Variants in PDSS1 observed in about 807,000 individuals in gnomAD.
The protein encoded by PDSS1 is decaprenyl diphosphate synthase subunit 1.
In PDSS1, 43 loss-of-function variants were observed where a neutral mutation model predicts 57.5. The observed-to-expected ratio is 0.75, with a 90% CI of 0.59 to 0.96. The LOEUF is 0.96. PDSS1 is among the 50% of genes least tolerant of loss of function. The probability of loss-of-function intolerance (pLI) is 0.00; values close to 1 mark genes in which losing one functional copy is unlikely to be tolerated. For missense variants in PDSS1, 438 were observed against 527.8 expected (o/e 0.83, Z 1.67); for synonymous variants, 175 against 191.3 (o/e 0.91, Z 0.70).
At chr10:26,699,124 C>T (rs1564413221) in intron 1 of PDSS1, among the ~76,000 whole-genome samples, 1 of 151,954 alleles carries the variant, frequency 6.6e-6, no homozygotes, top group Non-Finnish European at 1.5e-5. Flanking sequence ...AGTGTGAGAC[C>T]CTATCTCTAA....
chr10:26,735,285 T>C lies in PDSS1; in HGVS notation c.877T>C (p.Tyr293His). The change falls in exon 9 of 12, where the codon TAT becomes CAT. Residue 293 changes from tyrosine to histidine, a missense_variant. Physicochemically the swap from Tyr to His is moderately conservative, Grantham distance 83 (BLOSUM62 2). Transcript: ENST00000376215. Reference sequence around the variant, plus strand: ...CGACCCAGTGGTGCATGAGATCGCCTATCAGTACGGAAAAAATGTAGGAAT... The same window carrying C: ...CGACCCAGTGGTGCATGAGATCGCCCATCAGTACGGAAAAAATGTAGGAAT... Reference protein sequence around the residue: ...CPDPVVHEIAYQYGKNVGIAF... With the variant: ...CPDPVVHEIAHQYGKNVGIAF... 1 of 1,613,460 alleles carries C rather than the reference T, an allele frequency of 6.2e-7. No homozygotes were observed. The highest frequency in any genetic ancestry group is 1.3e-5 in the African/African-American group (1 of 75,054).
chr10:26,714,351 A>AT (rs1019372386), intron 5 of PDSS1, among the ~76,000 whole-genome samples: 2 of 151,858 alleles, frequency 1.3e-5, no homozygotes, highest in African/African-American at 4.8e-5. Flanking sequence ...ACACACACCT[A>AT]TAAATCCCAG....
intron 10 of PDSS1, among the ~76,000 whole-genome samples, chr10:26,738,829 TGG>T (rs1338245608): frequency 6.6e-6 from 1 of 152,166 alleles, no homozygotes; most frequent in Admixed American, 6.5e-5. Context: ...TGATAACAGT[TGG>T]TTCAGAGGAT....
intron 8 of PDSS1, chr10:26,734,617 A>G (rs1222452163): frequency 2.2e-6 from 1 of 454,740 alleles, no homozygotes; most frequent in Non-Finnish European, 4.4e-6. Flanking sequence ...AAACAGTGGG[A>G]CCAGTGAAGT....
chr10:26,721,319 G>A (rs1403010283), intron 6 of PDSS1, among the ~76,000 whole-genome samples: 1 of 148,908 alleles, frequency 6.7e-6, no homozygotes, highest in Admixed American at 6.7e-5. Flanking sequence ...AAAAAAGTTT[G>A]TGCAAACAAC....
intron 11 of PDSS1, among the ~76,000 whole-genome samples, chr10:26,744,867 C>A (rs887738735): frequency 2.0e-5 from 3 of 152,102 alleles, no homozygotes; most frequent in African/African-American, 4.8e-5. Flanking sequence ...TATTCCATTT[C>A]TAAATGTCAG....
chr10:26,721,445 CACACAT>C (rs1223528585), intron 6 of PDSS1, among the ~76,000 whole-genome samples: 2 of 151,946 alleles, frequency 1.3e-5, no homozygotes, highest in African/African-American at 4.8e-5. Context: ...CACACACACA[CACACAT>C]ACATATATAT....
chr10:26,716,343 G>A lies in PDSS1; in HGVS notation c.468-3875G>A, dbSNP rs145491389. Among the ~76,000 whole-genome samples the A allele has an allele frequency of 4.6e-5, 7 of 152,298 alleles. No individual in the cohort carries two copies. In the East Asian group the frequency reaches 1.2e-3, roughly 25 times the overall value. ...TGTAAACCTCGTAAAGGATTCACTG[G>A]TAGGGTCATTATATTATTCTATCTA... On this transcript the variant is annotated intron_variant, in intron 5 of 11. Transcript: ENST00000376215.
At chr10:26,745,845 C>G (rs781612016) in intron 11 of PDSS1, among the ~76,000 whole-genome samples, 8 of 136,778 alleles carry the variant, frequency 5.8e-5, no homozygotes, top group African/African-American at 8.2e-5. Flanking sequence ...GACCCTGTCT[C>G]AAAAAAAAAG....
chr10:26,744,438 C>T (rs1836735680), intron 11 of PDSS1, among the ~76,000 whole-genome samples: 1 of 152,048 alleles, frequency 6.6e-6, no homozygotes, highest in Non-Finnish European at 1.5e-5. Context: ...TTGCCAGGCT[C>T]AAGTTGCAGT....
chr10:26,746,513 T>G lies in PDSS1; in HGVS notation c.*40T>G. On this transcript the variant is annotated 3_prime_UTR_variant, in exon 12 of 12. Coordinates refer to ENST00000376215, the MANE Select transcript of PDSS1 (RefSeq NM_014317.5). ...CTTTCTGGCAGCTATCTTACCAGAC[T>G]GTGCCTAAAGAATTTTGTGGAATAC... The G allele has an allele frequency of 6.2e-7, 1 of 1,607,044 alleles. No individual in the cohort carries two copies.
In PDSS1 at chr10:26,712,150, C is replaced by G. The variant is rs565133696; in HGVS notation, c.467+2382C>G. Among the ~76,000 whole-genome samples the G allele has an allele frequency of 2.1e-5, 2 of 95,904 alleles. 1 individual carries two copies. The allele number at this position is 95,904 out of a possible 152,430, so 62.9% of individuals were successfully genotyped here. ...CCAAGTAGCTGGGATTACAGATGCA[C>G]GCTACCACGCCCAGCCAATTTTGTG... On this transcript the variant is annotated intron_variant, in intron 5 of 11. Transcript: ENST00000376215.
intron 1 of PDSS1, among the ~76,000 whole-genome samples, chr10:26,699,186 A>T (rs547970270): frequency 6.6e-5 from 10 of 152,298 alleles, no homozygotes; most frequent in African/African-American, 2.4e-4. Flanking sequence ...CTGGGCAACT[A>T]GACAATGCTA....
intron 2 of PDSS1, among the ~76,000 whole-genome samples, chr10:26,703,354 A>G (rs7090448): frequency 6.6e-6 from 1 of 152,092 alleles, no homozygotes; most frequent in Admixed American, 6.5e-5. Flanking sequence ...ATAACTAATC[A>G]TAGTTATTTG....
chr10:26,727,136 A>G (rs1320816024), intron 8 of PDSS1, among the ~76,000 whole-genome samples: 3 of 151,986 alleles, frequency 2.0e-5, no homozygotes, highest in Non-Finnish European at 4.4e-5. Flanking sequence ...ACTCACTTGC[A>G]AAATACATTT....
At chr10:26,737,435 A>G (rs979753434) in intron 10 of PDSS1, among the ~76,000 whole-genome samples, 7 of 152,278 alleles carry the variant, frequency 4.6e-5, no homozygotes, top group African/African-American at 1.7e-4. Flanking sequence ...AGTAATCTAC[A>G]AGAGACTGAA....
chr10:26,705,315 C>CTTT lies in PDSS1; in HGVS notation c.257_258insTTT (p.Thr86_His87insLeu), dbSNP rs1219685017. Reference sequence around the variant, plus strand: ...CATCACACAACCCCAGACAGTAAAACACACAGTGGTGAAAAATACACCGAT... The same window carrying CTTT: ...CATCACACAACCCCAGACAGTAAAACTTTACACAGTGGTGAAAAATACACCGAT... On this transcript the variant is annotated inframe_insertion, in exon 4 of 12. Transcript: ENST00000376215. 2 of 1,612,192 alleles carry CTTT rather than the reference C, an allele frequency of 1.2e-6. No homozygotes were observed. Among genetic ancestry groups the CTTT allele is most frequent in the South Asian group, 2.2e-5 (2 of 91,044 alleles).
rs751398436 is a variant in PDSS1, at chr10:26,723,845, A to G, written c.649A>G (p.Ile217Val). The change falls in exon 7 of 12, where the codon ATA (isoleucine) becomes GTA (valine). Residue 217 changes from isoleucine (I) to valine (V), a missense_variant. Transcript: ENST00000376215. ...AGATTTAATTCTTTCTGCAGCATCTATAGCTCTGGCACGAATTGGAAATAC... is the reference window on the plus strand; with the variant it reads ...AGATTTAATTCTTTCTGCAGCATCTGTAGCTCTGGCACGAATTGGAAATAC... The part of the protein sequence containing the change: ...AGDLILSAAS[I>V]ALARIGNTTV... 8 of 1,613,454 alleles carry G rather than the reference A, an allele frequency of 5.0e-6. No homozygotes were observed. In the African/African-American group the frequency reaches 9.3e-5, roughly 19 times the overall value.
intron 5 of PDSS1, among the ~76,000 whole-genome samples, chr10:26,716,991 G>T (rs954544012): frequency 3.3e-5 from 5 of 152,188 alleles, no homozygotes; most frequent in Non-Finnish European, 7.3e-5. Context: ...TGTAATCTGT[G>T]CATTTTGGTC....
Sources: allele counts gnomAD v4.1 joint callset (sites outside exome capture counted in the v4.1 genomes callset), GRCh38; gene constraint gnomAD v4.1.1; transcripts MANE v1.5; gene names NCBI Gene and HGNC (gene_info 2026-07-23, HGNC 2026-07-21).